PCDHGA1: variants seen among roughly 807,000 people sequenced by gnomAD.
PCDHGA1 encodes protocadherin gamma-A1.
Under a neutral mutation model 58.0 loss-of-function variants are expected in PCDHGA1, and 32 were observed. The ratio of observed to expected loss-of-function variants is 0.55; its 90% CI spans 0.42 to 0.74. The LOEUF is 0.74. Among genes scored for constraint, PCDHGA1 ranks in the 30% least tolerant of loss-of-function variants. The pLI, the probability that PCDHGA1 is intolerant of heterozygous loss-of-function variation, is 0.00. For synonymous variants in PCDHGA1, 498 were observed against 501.1 expected (o/e 0.99, Z 0.08); for missense variants, 1,205 against 1,182.3 (o/e 1.02, Z -0.28).
chr5:141,372,511 C>T, intron 1 of PCDHGA1: 3 of 1,614,022 alleles, frequency 1.9e-6, no homozygotes, highest in Non-Finnish European at 2.5e-6. Context: ...TTCCTCCTCG[C>T]GGTGATTCTG....
At position 141,490,645 on chromosome 5, in the gene PCDHGA1, C is replaced by G; in HGVS notation, c.2422-4162C>G. ...TGCTTACATCCTAGAAAACCGGCCTCCGGGCTCCCTTCTTTGCACTGTGGC... is the reference window on the plus strand; with the variant it reads ...TGCTTACATCCTAGAAAACCGGCCTGCGGGCTCCCTTCTTTGCACTGTGGC... On this transcript the variant is annotated intron_variant, in intron 1 of 3. Transcript: ENST00000517417. The surrounding 1 kb of genome is among the most constrained non-coding windows in gnomAD (Gnocchi z 5.4). 6.2e-7 allele frequency: 1 copy of G among 1,614,220 alleles called. No homozygotes were observed. Among genetic ancestry groups the G allele is most frequent in the Non-Finnish European group, 8.5e-7 (1 of 1,180,022 alleles).
intron 2 of PCDHGA1, among the ~76,000 whole-genome samples, chr5:141,503,269 C>A (rs1161751693): frequency 6.6e-6 from 1 of 152,116 alleles, no homozygotes; most frequent in Non-Finnish European, 1.5e-5. Context: ...ACCCCAGCAC[C>A]TGGCTCTGTG....
rs1472436870 is a variant in PCDHGA1, at chr5:141,365,479, A to G, written c.2421+32374A>G. On this transcript the variant is annotated intron_variant, in intron 1 of 3. Transcript: ENST00000517417. ...ATTCTGGAGAAAATGGTGAGATTGCATGCTCTATTCCTAGGAATTTGCCTT... is the reference window on the plus strand; with the variant it reads ...ATTCTGGAGAAAATGGTGAGATTGCGTGCTCTATTCCTAGGAATTTGCCTT... 5 of 1,613,906 alleles carry G rather than the reference A, an allele frequency of 3.1e-6. No individual in the cohort carries two copies. The East Asian group carries it at 8.9e-5, about 29-fold the overall frequency.
chr5:141,331,649 A>G lies in PCDHGA1; in HGVS notation c.965A>G (p.Gln322Arg). ...ATGTATTCAATGGAAGTTCAAGCCC[A>G]GGATGGTGCGGGGCTCATGGCTAAA... ...YKMYSMEVQA[Q>R]DGAGLMAKVK... Residue 322 changes from glutamine (Q) to arginine (R), a missense_variant, in exon 1 of 4, where the codon CAG becomes CGG. Transcript: ENST00000517417. The G allele has an allele frequency of 6.2e-7, 1 of 1,614,142 alleles. No homozygotes were observed. Among genetic ancestry groups the G allele is most frequent in the Non-Finnish European group, 8.5e-7 (1 of 1,180,016 alleles).
At chr5:141,414,334 A>C in intron 1 of PCDHGA1, 1 of 1,613,782 alleles carries the variant, frequency 6.2e-7, no homozygotes, top group Non-Finnish European at 8.5e-7. Flanking sequence ...TGGACAGGTA[A>C]CCTGTTCCAT....
chr5:141,509,199 GTCTC>G (rs1017134758), intron 3 of PCDHGA1, among the ~76,000 whole-genome samples: 4 of 152,070 alleles, frequency 2.6e-5, no homozygotes, highest in Admixed American at 2.0e-4. Context: ...AATATTTCCT[GTCTC>G]TCTATTTCTC....
At chr5:141,362,337 G>A (rs1427946094) in intron 1 of PCDHGA1, 2 of 1,614,084 alleles carry the variant, frequency 1.2e-6, no homozygotes, top group East Asian at 2.2e-5. Context: ...TCAGCTCCAA[G>A]CCTGGACCTG....
rs751145850 is a variant in PCDHGA1 at position 141,432,148 on chromosome 5, G to A, written c.2422-62659G>A. The A allele has an allele frequency of 6.1e-5, 99 of 1,613,884 alleles. No individual in the cohort carries two copies. The Admixed American group carries it at 1.5e-3, about 24-fold the overall frequency. On this transcript the variant is annotated intron_variant, in intron 1 of 3. Transcript: ENST00000517417. The surrounding 1 kb of genome is among the most constrained non-coding windows in gnomAD (Gnocchi z 6.0). ...CCTCCTATTCCGCTTATATCCCAGA[G>A]AACAATCCCAGAGGAGTTTCCCTCG...
At position 141,332,332 on chromosome 5, in the gene PCDHGA1, C is replaced by T; in HGVS notation, c.1648C>T (p.Leu550=). 1.2e-6 allele frequency: 2 copies of T among 1,614,224 alleles called. No homozygotes were observed. The highest frequency in any genetic ancestry group is 1.7e-6 in the Non-Finnish European group (2 of 1,180,044). The change falls in exon 1 of 4, where the codon CTA becomes TTA. Residue 550 remains leucine (L), a synonymous_variant. Transcript: ENST00000517417. This position sits in a 1 kb window ranked among gnomAD's most constrained non-coding sequence, Gnocchi z 4.6. The part of the protein sequence containing the change: ...PPLSSNVSLS[L]FLLDQNDNAP... ...CCTCAGCAGCAACGTGTCTCTCAGC[C>T]TATTCCTGCTGGACCAGAACGACAA...
At chr5:141,360,150 A>G (rs1761441721) in intron 1 of PCDHGA1, 2 of 1,602,638 alleles carry the variant, frequency 1.2e-6, no homozygotes, top group Admixed American at 3.4e-5. Flanking sequence ...AAGCGAGCTC[A>G]GGGAGGTGCG....
chr5:141,433,987 T>C (rs1332689630), intron 1 of PCDHGA1, among the ~76,000 whole-genome samples: 1 of 152,252 alleles, frequency 6.6e-6, no homozygotes, highest in Non-Finnish European at 1.5e-5. Context: ...GAAGAAGAGT[T>C]TTATATTCTC....
intron 1 of PCDHGA1, chr5:141,403,617 G>C: frequency 6.2e-7 from 1 of 1,613,856 alleles, no homozygotes; most frequent in Non-Finnish European, 8.5e-7. Flanking sequence ...GAGCCGCGTC[G>C]CTCCAGCACA....
intron 1 of PCDHGA1, chr5:141,357,660 A>G (rs1484445569): frequency 1.2e-6 from 2 of 1,605,080 alleles, no homozygotes; most frequent in South Asian, 2.2e-5. Flanking sequence ...ACACTGAAAT[A>G]TAGACAAAGA....
intron 1 of PCDHGA1, among the ~76,000 whole-genome samples, chr5:141,465,407 A>G (rs1019401245): frequency 6.6e-6 from 1 of 152,218 alleles, no homozygotes; most frequent in African/African-American, 2.4e-5. Flanking sequence ...AGAAGAAGCC[A>G]AATCAGCACT....
chr5:141,427,646 C>A, intron 1 of PCDHGA1: 1 of 715,440 alleles, frequency 1.4e-6, no homozygotes, highest in East Asian at 2.7e-5. Context: ...ACCAAGTCTC[C>A]TACGTGGTCC....
intron 1 of PCDHGA1, chr5:141,413,787 A>G (rs2095678061): frequency 6.2e-7 from 1 of 1,613,170 alleles, no homozygotes; most frequent in African/African-American, 1.3e-5. Flanking sequence ...AGCACTCCCT[A>G]GATCGCGAGG....
In PCDHGA1 at chr5:141,415,213, G is replaced by A. The variant is rs750613524; in HGVS notation, c.2422-79594G>A. On this transcript the variant is annotated intron_variant, in intron 1 of 3. Coordinates refer to ENST00000517417, the MANE Select transcript of PCDHGA1 (RefSeq NM_018912.3). ...CATCCCCCAAGTCCTGGCGGACCTC[G>A]GCAGCTTCGAGTCTCCAGCTAACTC... 1.9e-6 allele frequency: 3 copies of A among 1,614,074 alleles called. No individual in the cohort carries two copies. In the East Asian group the frequency reaches 6.7e-5, roughly 36 times the overall value.
rs759272109 is a variant in PCDHGA1, at chr5:141,420,170, G to A, written c.2422-74637G>A. ...TCCAGAATTTAATTTTTTCACATCTGTTGATCATTGTCCAGCCACACAAGA... is the reference window on the plus strand; with the variant it reads ...TCCAGAATTTAATTTTTTCACATCTATTGATCATTGTCCAGCCACACAAGA... On this transcript the variant is annotated intron_variant, in intron 1 of 3. Coordinates refer to ENST00000517417, the MANE Select transcript of PCDHGA1 (RefSeq NM_018912.3). 22 of 1,613,846 alleles carry A rather than the reference G, an allele frequency of 1.4e-5. No homozygotes were observed. Among genetic ancestry groups the A allele is most frequent in the Non-Finnish European group, 1.8e-5 (21 of 1,179,888 alleles).
intron 1 of PCDHGA1, among the ~76,000 whole-genome samples, chr5:141,362,886 T>G (rs1180518860): frequency 1.3e-5 from 2 of 152,256 alleles, no homozygotes; most frequent in Non-Finnish European, 2.9e-5. Context: ...CAAATTTTAG[T>G]TTTACTTCCT....
Sources: allele counts gnomAD v4.1 joint callset (sites outside exome capture counted in the v4.1 genomes callset), GRCh38; gene constraint gnomAD v4.1.1; non-coding constraint Gnocchi (gnomAD v3.1); transcripts MANE v1.5; gene names NCBI Gene and HGNC (gene_info 2026-07-23, HGNC 2026-07-21).